Variants in ZNF385D observed in about 807,000 individuals in gnomAD.
ZNF385D encodes the protein zinc finger protein 659.
ZNF385D carries 15 observed loss-of-function variants against 35.8 expected under a neutral mutation model. That is an observed-to-expected ratio of 0.42 (90% CI 0.28 to 0.64). The LOEUF is 0.64. Ranked by LOEUF, ZNF385D falls within the 30% of genes least tolerant of loss-of-function variation. The probability of loss-of-function intolerance (pLI) is 0.23; values close to 1 mark genes in which losing one functional copy is unlikely to be tolerated. For missense variants in ZNF385D, 474 were observed against 494.6 expected (o/e 0.96, Z 0.39); for synonymous variants, 212 against 186.8 (o/e 1.13, Z -1.10).
intron 3 of ZNF385D, among the ~76,000 whole-genome samples, chr3:22,059,620 C>G (rs1699589604): frequency 1.3e-5 from 2 of 152,178 alleles, no homozygotes. Context: ...GACCCTTCAT[C>G]AGCTTCTTGG....
At chr3:22,225,954 A>G (rs1698528193) in intron 2 of ZNF385D, among the ~76,000 whole-genome samples, 1 of 152,172 alleles carries the variant, frequency 6.6e-6, no homozygotes, top group African/African-American at 2.4e-5. Flanking sequence ...GAGCACAGGA[A>G]GGTTCTGTAA....
At chr3:21,681,298 T>TTAAAA (rs367942289) in intron 1 of ZNF385D, among the ~76,000 whole-genome samples, 1 of 64,474 alleles carries the variant, frequency 1.6e-5, no homozygotes, top group Non-Finnish European at 2.8e-5. Flanking sequence ...ATTCCATCAG[T>TTAAAA]AAAAAAAAAA....
At chr3:21,811,808 C>T (rs1413105216) in intron 3 of ZNF385D, among the ~76,000 whole-genome samples, 1 of 152,076 alleles carries the variant, frequency 6.6e-6, no homozygotes, top group Non-Finnish European at 1.5e-5. Context: ...AAATAAGGTG[C>T]CTAGGCAATC....
chr3:21,762,041 G>C (rs961540984), intron 3 of ZNF385D, among the ~76,000 whole-genome samples: 13 of 151,648 alleles, frequency 8.6e-5, no homozygotes, highest in African/African-American at 2.7e-4. Context: ...ACCATGCCCA[G>C]CTAATTTTTA....
intron 3 of ZNF385D, among the ~76,000 whole-genome samples, chr3:21,991,662 C>G (rs1050318127): frequency 6.6e-6 from 1 of 152,172 alleles, no homozygotes; most frequent in Admixed American, 6.5e-5. Context: ...ACAGTAAATA[C>G]TTGTCCTAAG....
chr3:21,698,543 A>C (rs1311042258), intron 1 of ZNF385D, among the ~76,000 whole-genome samples: 4 of 152,104 alleles, frequency 2.6e-5, no homozygotes, highest in Non-Finnish European at 5.9e-5. Flanking sequence ...CTAGAATCTC[A>C]AACCTCACCA....
At chr3:22,194,893 C>A (rs924212298) in intron 2 of ZNF385D, among the ~76,000 whole-genome samples, 1 of 151,788 alleles carries the variant, frequency 6.6e-6, no homozygotes, top group African/African-American at 2.4e-5. Context: ...ATTCATTCAC[C>A]CCTTGAAGGA....
At chr3:22,117,370 C>T (rs923999197) in intron 3 of ZNF385D, among the ~76,000 whole-genome samples, 2 of 151,878 alleles carry the variant, frequency 1.3e-5, no homozygotes, top group African/African-American at 2.4e-5. Flanking sequence ...AAACCTGTTT[C>T]GTATGAGTGT....
Position 22,082,921 on chromosome 3 carries a change from T to C in ZNF385D, c.325+85896A>G, listed in dbSNP as rs573489738. 2.6e-5 allele frequency among the ~76,000 whole-genome samples: 4 copies of C among 152,318 alleles called. No homozygotes were observed. In the East Asian group the frequency reaches 7.7e-4, roughly 29 times the overall value. ...GCTGTTCTGCAGCCTCTGCTGGTGA[T>C]ACCCAGGCAAACAGGGTCTGGGGTG... is the stretch of plus-strand genomic sequence containing the variant. On this transcript the variant is annotated intron_variant, in intron 3 of 5. Coordinates refer to the ZNF385D transcript ENST00000494108.
chr3:22,108,930 T>G (rs767266433), intron 3 of ZNF385D, among the ~76,000 whole-genome samples: 8 of 152,122 alleles, frequency 5.3e-5, no homozygotes, highest in Non-Finnish European at 1.0e-4. Flanking sequence ...GAGAATCGCT[T>G]GAACCTGAGA....
chr3:21,565,862 A>G (rs1365236888), intron 2 of ZNF385D, among the ~76,000 whole-genome samples: 6 of 152,284 alleles, frequency 3.9e-5, no homozygotes, highest in East Asian at 1.9e-4. Context: ...AGTGCTCAGA[A>G]TGTGTCAGAA....
intron 3 of ZNF385D, among the ~76,000 whole-genome samples, chr3:21,981,676 TA>T (rs960517628): frequency 9.2e-5 from 14 of 152,302 alleles, no homozygotes; most frequent in African/African-American, 3.4e-4. Flanking sequence ...GATTGTCTTC[TA>T]GGGTTTTTAC....
At chr3:21,560,586 A>C (rs1372723989) in intron 3 of ZNF385D, among the ~76,000 whole-genome samples, 1 of 152,158 alleles carries the variant, frequency 6.6e-6, no homozygotes, top group Non-Finnish European at 1.5e-5. Flanking sequence ...GTCGGCCCCT[A>C]CTGGGAGGTA....
chr3:21,928,567 A>G (rs1365252830), intron 3 of ZNF385D, among the ~76,000 whole-genome samples: 1 of 152,192 alleles, frequency 6.6e-6, no homozygotes, highest in Non-Finnish European at 1.5e-5. Flanking sequence ...ATAATTTGTT[A>G]TTTGAAAAGG....
At chr3:22,046,918 A>G (rs546768888) in intron 3 of ZNF385D, among the ~76,000 whole-genome samples, 5 of 152,282 alleles carry the variant, frequency 3.3e-5, no homozygotes, top group Admixed American at 2.0e-4. Flanking sequence ...ACTATACTAT[A>G]TAAGATTCAT....
At chr3:21,845,332 T>C (rs1422299766) in intron 3 of ZNF385D, among the ~76,000 whole-genome samples, 2 of 151,958 alleles carry the variant, frequency 1.3e-5, no homozygotes, top group Non-Finnish European at 2.9e-5. Flanking sequence ...GCAATGATAA[T>C]TTTGGTTGTA....
At chr3:21,951,999 T>C (rs1702089011) in intron 3 of ZNF385D, among the ~76,000 whole-genome samples, 1 of 151,630 alleles carries the variant, frequency 6.6e-6, no homozygotes, top group African/African-American at 2.4e-5. Flanking sequence ...ATTTTAGATC[T>C]TCAGGACCTA....
At chr3:22,227,141 A>G (rs1317460181) in intron 2 of ZNF385D, among the ~76,000 whole-genome samples, 1 of 151,280 alleles carries the variant, frequency 6.6e-6, no homozygotes, top group Non-Finnish European at 1.5e-5. Context: ...ATATAACATA[A>G]TATTTTGATC....
rs114617585 is a variant in ZNF385D, at chr3:22,059,606, T to G, written c.325+109211A>C. 4.1e-3 allele frequency among the ~76,000 whole-genome samples: 619 copies of G among 152,286 alleles called. 6 individuals carry two copies. The highest frequency in any genetic ancestry group is 0.015 in the African/African-American group (605 of 41,544). ...AAGTTGTGAATCTGGAAACATTCCC[T>G]TAAGACCCTTCATCAGCTTCTTGGA... On this transcript the variant is annotated intron_variant, in intron 3 of 5. Transcript: ENST00000494108.
Sources: gnomAD v4.1 joint callset for allele counts (sites outside exome capture counted in the v4.1 genomes callset) on GRCh38, gnomAD v4.1.1 for gene constraint, MANE v1.5 for transcripts, NCBI Gene and HGNC (gene_info 2026-07-23, HGNC 2026-07-21) for gene names.